Variants in NXPE4 observed in about 807,000 individuals in gnomAD.
The protein encoded by NXPE4 is NXPE family member 4.
A neutral mutation model predicts 33.3 loss-of-function variants in NXPE4; 42 were observed. The observed-to-expected ratio is 1.26, with a 90% CI of 0.98 to 1.63. The LOEUF (loss-of-function observed/expected upper bound fraction) is 1.63. NXPE4 is among the 40% of genes most tolerant of loss of function. The pLI, the probability that NXPE4 is intolerant of heterozygous loss-of-function variation, is 0.00. For synonymous variants in NXPE4, 253 were observed against 234.9 expected (o/e 1.08, Z -0.71); for missense variants, 709 against 647.6 (o/e 1.09, Z -1.03).
chr11:114,666,799 C>T, the NXPE4 span, among the ~76,000 whole-genome samples: 1 of 152,044 alleles, frequency 6.6e-6, no homozygotes. Context: ...TGGTCTTTTC[C>T]TTGTATTTAC....
the NXPE4 span, among the ~76,000 whole-genome samples, chr11:114,625,072 C>T: frequency 1.3e-5 from 2 of 151,974 alleles, no homozygotes; most frequent in African/African-American, 2.4e-5. Context: ...AATATTGCCC[C>T]GTGGGTAACC....
chr11:114,600,445 AAATGCT>A (rs1949624335), upstream of NXPE4, among the ~76,000 whole-genome samples: 1 of 152,188 alleles, frequency 6.6e-6, no homozygotes, highest in African/African-American at 2.4e-5. Context: ...AATAAGACAC[AAATGCT>A]GTACTGAGAA....
chr11:114,668,459 A>G, the NXPE4 span, among the ~76,000 whole-genome samples: 1 of 151,922 alleles, frequency 6.6e-6, no homozygotes, highest in Non-Finnish European at 1.5e-5. Context: ...AGAAACAAGC[A>G]AACAAAAATT....
intron 5 of NXPE4, among the ~76,000 whole-genome samples, chr11:114,572,128 G>C (rs1396398529): frequency 1.3e-5 from 2 of 152,106 alleles, no homozygotes; most frequent in Non-Finnish European, 2.9e-5. Flanking sequence ...TAGCTCCACT[G>C]GGTTGCGAGA....
the NXPE4 span, among the ~76,000 whole-genome samples, chr11:114,668,115 T>C: frequency 6.6e-6 from 1 of 151,922 alleles, no homozygotes; most frequent in Admixed American, 6.6e-5. Flanking sequence ...TCTTGATAGA[T>C]GGATAGTGTG....
chr11:114,590,729 C>T (rs1267774717), intron 2 of NXPE4, among the ~76,000 whole-genome samples: 2 of 152,142 alleles, frequency 1.3e-5, no homozygotes, highest in South Asian at 2.1e-4. Flanking sequence ...ACTTGATTTG[C>T]AGGTAAAGGA....
At chr11:114,638,851 G>A in the NXPE4 span, among the ~76,000 whole-genome samples, 4,519 of 151,382 alleles carry the variant, frequency 0.03, 113 homozygotes, top group Non-Finnish European at 0.04. Context: ...GTACCCAGCC[G>A]TGTGAGGTGT....
chr11:114,601,743 A>C, the NXPE4 span, among the ~76,000 whole-genome samples: 1 of 71,002 alleles, frequency 1.4e-5, no homozygotes, highest in Non-Finnish European at 2.4e-5. Flanking sequence ...ATATATAATT[A>C]TAATATATAA....
At chr11:114,577,015 A>ATATATATACATATATATATATAAAGT (rs1565329147) in intron 5 of NXPE4, among the ~76,000 whole-genome samples, 5 of 71,988 alleles carry the variant, frequency 6.9e-5, no homozygotes, top group Non-Finnish European at 1.0e-4. Context: ...AAAGTTATAT[A>ATATATATACATATATATATATAAAGT]TATATATATA....
the NXPE4 span, among the ~76,000 whole-genome samples, chr11:114,629,291 A>G: frequency 4.6e-5 from 7 of 152,108 alleles, no homozygotes; most frequent in Non-Finnish European, 8.8e-5. Context: ...GGCAAACGGA[A>G]TCCAGCAGCA....
At chr11:114,642,558 T>C in the NXPE4 span, among the ~76,000 whole-genome samples, 1 of 152,098 alleles carries the variant, frequency 6.6e-6, no homozygotes, top group Non-Finnish European at 1.5e-5. Flanking sequence ...AATGATGGTT[T>C]CCAGCTTCAT....
chr11:114,652,473 G>A, the NXPE4 span, among the ~76,000 whole-genome samples: 1 of 152,108 alleles, frequency 6.6e-6, no homozygotes, highest in African/African-American at 2.4e-5. Context: ...AGCTTTTAGG[G>A]TCACACAATT....
At chr11:114,586,926 G>C (rs1949314248) in intron 2 of NXPE4, among the ~76,000 whole-genome samples, 1 of 152,140 alleles carries the variant, frequency 6.6e-6, no homozygotes, top group Non-Finnish European at 1.5e-5. Context: ...TGCCGTTTTT[G>C]TGATTTTCTA....
At chr11:114,658,524 A>G in the NXPE4 span, among the ~76,000 whole-genome samples, 1 of 152,174 alleles carries the variant, frequency 6.6e-6, no homozygotes, top group Non-Finnish European at 1.5e-5. Context: ...GCTGCCTCAA[A>G]GGGAAAGACA....
At position 114,571,012 on chromosome 11, in the gene NXPE4, C is replaced by T; in HGVS notation, c.1561G>A (p.Gly521Ser). The part of the protein sequence containing the change: ...IDAWDITIAY[G>S]TNNVHPPQHV... ...TGAGGTGGGTGTACATTATTTGTGC[C>T]ATATGCAATTGTTATATCCCAGGCA... is the stretch of plus-strand genomic sequence containing the variant. The change falls in exon 6 of 6, where the codon GGC becomes AGC. Residue 521 changes from glycine (G) to serine (S), a missense_variant. Gly to Ser is a moderately conservative substitution (Grantham distance 56). Transcript: ENST00000375478. 1 of 1,613,236 alleles carries T rather than the reference C, an allele frequency of 6.2e-7. No individual in the cohort carries two copies. The highest frequency in any genetic ancestry group is 8.5e-7 in the Non-Finnish European group (1 of 1,179,340).
At chr11:114,658,756 G>A in the NXPE4 span, among the ~76,000 whole-genome samples, 2 of 152,162 alleles carry the variant, frequency 1.3e-5, no homozygotes, top group Non-Finnish European at 2.9e-5. Context: ...TAATGCTGTG[G>A]AGAAGAGGAC....
the NXPE4 span, among the ~76,000 whole-genome samples, chr11:114,621,625 G>A: frequency 3.3e-5 from 5 of 152,144 alleles, no homozygotes; most frequent in South Asian, 2.1e-4. Context: ...TGACCCAGTG[G>A]ATAATAAGTA....
At chr11:114,642,248 A>T in the NXPE4 span, among the ~76,000 whole-genome samples, 9 of 152,130 alleles carry the variant, frequency 5.9e-5, no homozygotes, top group Admixed American at 2.0e-4. Context: ...AACAATGAGA[A>T]AAACACCAGA....
intron 5 of NXPE4, among the ~76,000 whole-genome samples, chr11:114,572,317 C>A: frequency 6.6e-6 from 1 of 152,106 alleles, no homozygotes; most frequent in Non-Finnish European, 1.5e-5. Context: ...GATTCTTTAA[C>A]TCCTGCAAAA....
Sources: gnomAD v4.1 joint callset for allele counts (sites outside exome capture counted in the v4.1 genomes callset) on GRCh38, gnomAD v4.1.1 for gene constraint, MANE v1.5 for transcripts, NCBI Gene and HGNC (gene_info 2026-07-23, HGNC 2026-07-21) for gene names.